The following SEC14L2 variants were observed in gnomAD, a reference collection of about 807,000 sequenced individuals.
SEC14L2 encodes SEC14 like lipid binding 2, also known as SEC14-like protein 2.
In SEC14L2, 50 loss-of-function variants were observed where a neutral mutation model predicts 56.9. That is an observed-to-expected ratio of 0.88 (90% CI 0.70 to 1.11). SEC14L2 has a LOEUF of 1.11. Among genes scored for constraint, SEC14L2 ranks in the 50% most tolerant of loss-of-function variants. The probability of loss-of-function intolerance (pLI) is 0.00; values close to 1 mark genes in which losing one functional copy is unlikely to be tolerated. For synonymous variants in SEC14L2, 179 were observed against 188.5 expected, an observed-to-expected ratio of 0.95 and a Z score of 0.41; for missense variants, 414 against 500.7, an observed-to-expected ratio of 0.83 and a Z score of 1.65.
intron 11 of SEC14L2, chr22:30,421,486 A>G (rs756916500): frequency 3.3e-5 from 5 of 152,238 alleles, no homozygotes; most frequent in Non-Finnish European, 7.3e-5. Flanking sequence ...TTTAAAAAAT[A>G]TATCAGTATT....
chr22:30,401,370 G>A lies in SEC14L2; in HGVS notation c.130+1652G>A, dbSNP rs547741033. On this transcript the variant is annotated intron_variant, in intron 2 of 11. Coordinates refer to ENST00000615189, the MANE Select transcript of SEC14L2 (RefSeq NM_012429.5). ...GATTATAGGCTCCCACCACCACACCGGCTAAGGGTTTCACCATGTTGGCCA... is the reference window on the plus strand; with the variant it reads ...GATTATAGGCTCCCACCACCACACCAGCTAAGGGTTTCACCATGTTGGCCA... Among the ~76,000 whole-genome samples the A allele has an allele frequency of 1.6e-4, 22 of 139,654 alleles. No individual in the cohort carries two copies. In the East Asian group the frequency reaches 1.6e-3, roughly 10 times the overall value. 91.6% of individuals were successfully genotyped at this position (139,654 alleles called of 152,430 possible). A position where few individuals can be genotyped will look rare whatever the true frequency, so the allele number is the denominator to read the frequency against.
intron 11 of SEC14L2, among the ~76,000 whole-genome samples, chr22:30,417,824 A>G (rs1173044490): frequency 6.6e-6 from 1 of 151,836 alleles, no homozygotes; most frequent in East Asian, 1.9e-4. Flanking sequence ...GCTTGTCTAC[A>G]TGGTCACCCA....
chr22:30,406,242 G>A, intron 2 of SEC14L2, 100 bp from the exon 3 acceptor site: 1 of 1,134,670 alleles, frequency 8.8e-7, no homozygotes, highest in Admixed American at 1.8e-5. Context: ...AGAGATGACT[G>A]AGAGGAACTG....
chr22:30,397,773 G>A lies in SEC14L2; in HGVS notation c.54+603G>A, dbSNP rs1358897337. 1.3e-5 allele frequency: 6 copies of A among 458,510 alleles called. No homozygotes were observed. In the East Asian group the frequency reaches 4.4e-4, roughly 33 times the overall value. 28.4% of individuals were successfully genotyped at this position (458,510 alleles called of 1,614,324 possible). A position where few individuals can be genotyped will look rare whatever the true frequency, so the allele number is the denominator to read the frequency against. ...GGCTCCCCCCATGAGGCACTGGGTT[G>A]GTGTTAGTTTGAGCTGAGACCAGCC... On this transcript the variant is annotated intron_variant, in intron 1 of 11. Coordinates refer to ENST00000615189, the MANE Select transcript of SEC14L2 (RefSeq NM_012429.5).
intron 1 of SEC14L2, 74 bp from the exon 2 acceptor site, chr22:30,399,569 T>TAAAA: frequency 1.5e-6 from 1 of 665,858 alleles, no homozygotes; most frequent in Non-Finnish European, 2.5e-6. Flanking sequence ...AGCAAAGATC[T>TAAAA]CAGTGGAGAG....
chr22:30,409,410 G>A lies in SEC14L2; in HGVS notation c.520-16G>A, dbSNP rs1187590342. The A allele has an allele frequency of 1.2e-6, 2 of 1,613,618 alleles. No homozygotes were observed. The highest frequency in any genetic ancestry group is 1.7e-6 in the Non-Finnish European group (2 of 1,179,542). ...TTCTGAGCCTGCTGGAATCAAGAGT[G>A]ATTTTGTTTCCACAGTTTCTCTGCA... On this transcript the variant is annotated splice_polypyrimidine_tract_variant and intron_variant, in intron 6 of 11. Coordinates refer to ENST00000615189, the MANE Select transcript of SEC14L2 (RefSeq NM_012429.5).
Position 30,424,533 on chromosome 22 carries a change from A to G in SEC14L2, c.*2126A>G, listed in dbSNP as rs1459973909. ...TAATTCTTAATAAGGCCTACCGGGT[A>G]TCACGCAAAAACCCTGTGCTTACTA... is the stretch of plus-strand genomic sequence containing the variant. On this transcript the variant is annotated 3_prime_UTR_variant, in exon 12 of 12. Coordinates refer to ENST00000615189, the MANE Select transcript of SEC14L2 (RefSeq NM_012429.5). The G allele has an allele frequency of 2.8e-6, 1 of 352,756 alleles. No individual in the cohort carries two copies. Among genetic ancestry groups the G allele is most frequent in the South Asian group, 2.1e-5 (1 of 47,122 alleles). The allele number at this position is 352,756 out of a possible 1,614,324, so 21.9% of individuals were successfully genotyped here. A position where few individuals can be genotyped will look rare whatever the true frequency, so the allele number is the denominator to read the frequency against.
chr22:30,422,601 T>A lies in SEC14L2; in HGVS notation c.*194T>A, dbSNP rs775489371. ...CCGTGTCTATCAAATACCTAAGGAG[T>A]CCCCAGGAGCTGGCTGGCCATCGTG... On this transcript the variant is annotated 3_prime_UTR_variant, in exon 12 of 12. Transcript: ENST00000615189. 1.3e-4 allele frequency: 77 copies of A among 602,256 alleles called. No individual in the cohort carries two copies. The highest frequency in any genetic ancestry group is 2.0e-4 in the Non-Finnish European group (72 of 357,816). 37.3% of individuals were successfully genotyped at this position (602,256 alleles called of 1,614,324 possible).
intron 5 of SEC14L2, 83 bp from the exon 6 acceptor site, chr22:30,409,104 C>T (rs749585663): frequency 2.6e-6 from 3 of 1,171,470 alleles, no homozygotes; most frequent in Non-Finnish European, 2.6e-6. Flanking sequence ...TCTGGATGCA[C>T]AGTGCAATCA....
intron 2 of SEC14L2, among the ~76,000 whole-genome samples, chr22:30,403,495 C>CT (rs1198160134): frequency 6.6e-6 from 1 of 152,216 alleles, no homozygotes; most frequent in African/African-American, 2.4e-5. Context: ...CCAAGCCATG[C>CT]TTTGAGTTGC....
In SEC14L2 at chr22:30,416,411, T is replaced by C. The variant is rs752084819; in HGVS notation, c.1081+8T>C. The C allele has an allele frequency of 1.4e-5, 22 of 1,614,122 alleles. No individual in the cohort carries two copies. Among genetic ancestry groups the C allele is most frequent in the Admixed American group, 5.0e-5 (3 of 60,006 alleles). Reference sequence around the variant, plus strand: ...GCAGTGATCCTGGCATCTGTAAGTATCTCTGCCTTGGCAATGCCTTGAAGC... The same window carrying C: ...GCAGTGATCCTGGCATCTGTAAGTACCTCTGCCTTGGCAATGCCTTGAAGC... On this transcript the variant is annotated splice_region_variant and intron_variant, in intron 11 of 11. Coordinates refer to ENST00000615189, the MANE Select transcript of SEC14L2 (RefSeq NM_012429.5).
intron 2 of SEC14L2, among the ~76,000 whole-genome samples, chr22:30,402,637 C>A (rs1933970974): frequency 6.6e-6 from 1 of 152,144 alleles, no homozygotes; most frequent in African/African-American, 2.4e-5. Context: ...CCAAGCTCAG[C>A]CTCTTACAAC....
chr22:30,424,763 C>T lies in SEC14L2; in HGVS notation c.*2356C>T, dbSNP rs1934623560. 2 of 456,636 alleles carry T rather than the reference C, an allele frequency of 4.4e-6. No homozygotes were observed. The highest frequency in any genetic ancestry group is 2.3e-5 in the Admixed American group (1 of 42,570). 28.3% of individuals were successfully genotyped at this position (456,636 alleles called of 1,614,324 possible). ...GTCTCCAACGCCGCTCAATTATACC[C>T]GCCAAGGAGTCACAGAGACTTAGTG... On this transcript the variant is annotated 3_prime_UTR_variant, in exon 12 of 12. Coordinates refer to ENST00000615189, the MANE Select transcript of SEC14L2 (RefSeq NM_012429.5).
At chr22:30,402,527 C>A (rs577313019) in intron 2 of SEC14L2, among the ~76,000 whole-genome samples, 1 of 152,216 alleles carries the variant, frequency 6.6e-6, no homozygotes, top group East Asian at 1.9e-4. Context: ...GGGGACTTAC[C>A]TGAAGTTACA....
intron 11 of SEC14L2, among the ~76,000 whole-genome samples, chr22:30,419,294 G>C (rs1457518956): frequency 1.3e-5 from 2 of 152,234 alleles, no homozygotes; most frequent in Non-Finnish European, 2.9e-5. Flanking sequence ...GCTCATGCCT[G>C]TAATGCCAGC....
At position 30,424,823 on chromosome 22, in the gene SEC14L2, T is replaced by A. The variant is rs56033665; in HGVS notation, c.*2416T>A. 1 of 455,978 alleles carries A rather than the reference T, an allele frequency of 2.2e-6. No homozygotes were observed. The highest frequency in any genetic ancestry group is 4.4e-6 in the Non-Finnish European group (1 of 226,768). 28.2% of individuals were successfully genotyped at this position (455,978 alleles called of 1,614,324 possible). A position where few individuals can be genotyped will look rare whatever the true frequency, so the allele number is the denominator to read the frequency against. ...CATTGCTCACCTGGGTGAACTGAGGTCCAGCGGGGGAAGGCTTCCTCCTGT... is the reference window on the plus strand; with the variant it reads ...CATTGCTCACCTGGGTGAACTGAGGACCAGCGGGGGAAGGCTTCCTCCTGT... On this transcript the variant is annotated 3_prime_UTR_variant, in exon 12 of 12. Transcript: ENST00000615189.
At chr22:30,406,846 G>C (rs902941743) in intron 3 of SEC14L2, among the ~76,000 whole-genome samples, 2 of 152,246 alleles carry the variant, frequency 1.3e-5, no homozygotes, top group Middle Eastern at 6.8e-3. Flanking sequence ...TCCGCCTCCC[G>C]GGTTCAAGTG....
At chr22:30,400,633 G>T (rs754266675) in intron 2 of SEC14L2, among the ~76,000 whole-genome samples, 3 of 151,794 alleles carry the variant, frequency 2.0e-5, no homozygotes, top group Non-Finnish European at 2.9e-5. Flanking sequence ...GGTGGCTCAC[G>T]CCTGTAATCC....
intron 8 of SEC14L2, 74 bp from the exon 9 acceptor site, chr22:30,415,685 A>G: frequency 1.5e-6 from 2 of 1,326,240 alleles, no homozygotes; most frequent in Non-Finnish European, 2.1e-6. Flanking sequence ...TCTTTAGTGT[A>G]GACCACTAGG....
Sources: allele counts gnomAD v4.1 joint callset (sites outside exome capture counted in the v4.1 genomes callset), GRCh38; gene constraint gnomAD v4.1.1; transcripts MANE v1.5; gene names NCBI Gene and HGNC (gene_info 2026-07-23, HGNC 2026-07-21).